The following RGMA variants were observed in gnomAD, a reference collection of about 807,000 sequenced individuals.
The protein encoded by RGMA is repulsive guidance molecule BMP co-receptor a.
In RGMA, 10 loss-of-function variants were observed where a neutral mutation model predicts 23.2. The observed-to-expected ratio is 0.43, with a 90% confidence interval of 0.27 to 0.73. The LOEUF (loss-of-function observed/expected upper bound fraction) is 0.73. Among genes scored for constraint, RGMA ranks in the 30% least tolerant of loss-of-function variants. The probability of loss-of-function intolerance (pLI) is 0.20; values close to 1 mark genes in which losing one functional copy is unlikely to be tolerated. For synonymous variants in RGMA, 308 were observed against 279.3 expected, an observed-to-expected ratio of 1.10 and a Z score of -1.03; for missense variants, 547 against 630.5, an observed-to-expected ratio of 0.87 and a Z score of 1.42.
chr15:93,078,295 C>G (rs928226853), intron 1 of RGMA, among the ~76,000 whole-genome samples: 1 of 152,292 alleles, frequency 6.6e-6, no homozygotes, highest in East Asian at 1.9e-4. Flanking sequence ...ACCTCGCAAG[C>G]GTAGGGATAT....
chr15:93,045,043 C>A lies in RGMA; in HGVS notation c.1308G>T (p.Leu436=), dbSNP rs764412727. 6.3e-7 allele frequency: 1 copy of A among 1,584,940 alleles called. No homozygotes were observed. Among genetic ancestry groups the A allele is most frequent in the East Asian group, 2.3e-5 (1 of 43,566 alleles). Residue 436 remains leucine, a synonymous_variant, in exon 4 of 4, where the codon CTG becomes CTT. Transcript: ENST00000329082. This position sits in a 1 kb window ranked among gnomAD's most constrained non-coding sequence, Gnocchi z 6.9. ...AGLPLAPRPL[L]GALVPLLALL... ...GGGCCAGGAGCGGGACGAGGGCGCC[C>A]AGGAGGGGCCGGGGGGCCAGGGGCA...
chr15:93,055,991 C>G (rs541284217), intron 2 of RGMA, among the ~76,000 whole-genome samples: 32 of 152,328 alleles, frequency 2.1e-4, no homozygotes, highest in African/African-American at 7.7e-4. Flanking sequence ...AGAGGGGTCC[C>G]TCGCATGCTC....
At chr15:93,066,146 G>A in intron 2 of RGMA, 1 of 1,357,242 alleles carries the variant, frequency 7.4e-7, no homozygotes, top group Non-Finnish European at 1.1e-6. Context: ...ACCTCCCCGG[G>A]CCCAGTTACA....
rs530182057 is a variant in RGMA, at chr15:93,073,525, A to G, written c.15-494T>C. 334 of 1,440,418 alleles carry G rather than the reference A, an allele frequency of 2.3e-4. 4 individuals are homozygous for G. In the South Asian group the frequency reaches 4.0e-3, roughly 17 times the overall value. The allele number at this position is 1,440,418 out of a possible 1,614,324, so 89.2% of individuals were successfully genotyped here. On this transcript the variant is annotated intron_variant, in intron 1 of 3. Transcript: ENST00000329082. ...ATCCCCTCCACGAATATCCAATCCA[A>G]GTAGAAAAACTGTCCTTGGAGGCAA...
chr15:93,065,413 A>AT (rs1185702103), intron 2 of RGMA, among the ~76,000 whole-genome samples: 1 of 150,634 alleles, frequency 6.6e-6, no homozygotes, highest in Non-Finnish European at 1.5e-5. Context: ...AAAAAAAAAA[A>AT]GCAAAAGGCT....
rs2054797925 is a variant in RGMA, at chr15:93,045,109, A to T, written c.1242T>A (p.Tyr414Ter). The change falls in exon 4 of 4, where the codon TAT becomes TAA. Residue 414 changes from tyrosine (Y) to a stop codon, truncating the protein, a stop_gained. Coordinates refer to ENST00000329082, the MANE Select transcript of RGMA (RefSeq NM_020211.3). LOFTEE classifies it low-confidence loss of function (END_TRUNC). The surrounding 1 kb of genome is among the most constrained non-coding windows in gnomAD (Gnocchi z 6.9). ...LHSNKDKLHL[Y>*]ERTRDLPGRA... ...TGCCTGGCAGGTCCCGAGTCCTCTC[A>T]TACAGGTGCAGTTTGTCTTTGTTGG... 1 of 1,588,670 alleles carries T rather than the reference A, an allele frequency of 6.3e-7. No individual in the cohort carries two copies. Among genetic ancestry groups the T allele is most frequent in the African/African-American group, 1.3e-5 (1 of 74,282 alleles).
chr15:93,087,920 G>A (rs1895665295), intron 1 of RGMA, among the ~76,000 whole-genome samples: 1 of 152,056 alleles, frequency 6.6e-6, no homozygotes, highest in South Asian at 2.1e-4. Flanking sequence ...CCTTCCTGGA[G>A]GCGAGGGCTG....
chr15:93,055,113 A>G (rs1164093583), intron 2 of RGMA, among the ~76,000 whole-genome samples: 1 of 152,098 alleles, frequency 6.6e-6, no homozygotes, highest in African/African-American at 2.4e-5. Context: ...CTGACCTGCC[A>G]TTCTGCCTCC....
At position 93,040,538 on chromosome 15, in the gene RGMA, T is replaced by G. The variant is rs2054711174; in HGVS notation, c.*4460A>C. 6.6e-6 allele frequency: 1 copy of G among 152,022 alleles called. No homozygotes were observed. The highest frequency in any genetic ancestry group is 1.5e-5 in the Non-Finnish European group (1 of 68,068). The allele number at this position is 152,022 out of a possible 1,614,324, so 9.4% of individuals were successfully genotyped here. On this transcript the variant is annotated 3_prime_UTR_variant, in exon 4 of 4. Coordinates refer to ENST00000329082, the MANE Select transcript of RGMA (RefSeq NM_020211.3). ...CATGCAGGTGAGCTAGTCGGAGGCC[T>G]CCCCTTAACCCCACCACAGATGAAT...
At chr15:93,051,163 G>A (rs1030459261) in intron 3 of RGMA, among the ~76,000 whole-genome samples, 1 of 152,254 alleles carries the variant, frequency 6.6e-6, no homozygotes, top group Non-Finnish European at 1.5e-5. Flanking sequence ...GGAGCAGAGG[G>A]AAGTGGCAGG....
At chr15:93,080,146 A>C (rs1347186439) in intron 1 of RGMA, among the ~76,000 whole-genome samples, 1 of 152,194 alleles carries the variant, frequency 6.6e-6, no homozygotes, top group South Asian at 2.1e-4. Context: ...TTTTAATTAA[A>C]AAATTACCAA....
In RGMA at chr15:93,045,260, C is replaced by T. The variant is rs757105605; in HGVS notation, c.1091G>A (p.Cys364Tyr). Reference sequence around the variant, plus strand: ...GTCCTCCACCGGCAGCTTCTCCTTGCACTTGGCCACGGCTGTCTCGTATGG... The same window carrying T: ...GTCCTCCACCGGCAGCTTCTCCTTGTACTTGGCCACGGCTGTCTCGTATGG... ...TFPYETAVAK[C>Y]KEKLPVEDLY... The change falls in exon 4 of 4, where the codon TGC (cysteine) becomes TAC (tyrosine). Residue 364 changes from cysteine to tyrosine, a missense_variant. By Grantham distance (194) the Cys-to-Tyr change is radical. Coordinates refer to ENST00000329082, the MANE Select transcript of RGMA (RefSeq NM_020211.3). The surrounding 1 kb of genome is among the most constrained non-coding windows in gnomAD (Gnocchi z 6.9). 6.2e-7 allele frequency: 1 copy of T among 1,613,170 alleles called. No homozygotes were observed. The highest frequency in any genetic ancestry group is 8.5e-7 in the Non-Finnish European group (1 of 1,179,790).
intron 2 of RGMA, among the ~76,000 whole-genome samples, chr15:93,056,402 G>C (rs551537033): frequency 7.8e-6 from 1 of 128,700 alleles, no homozygotes; most frequent in South Asian, 2.5e-4. Flanking sequence ...AGAAGCGCCT[G>C]AGACGAGGCC....
At chr15:93,086,584 T>C (rs992553487) in intron 1 of RGMA, among the ~76,000 whole-genome samples, 1 of 152,168 alleles carries the variant, frequency 6.6e-6, no homozygotes, top group Non-Finnish European at 1.5e-5. Flanking sequence ...TTTCTGGCCA[T>C]CAGTTTCTTC....
intron 2 of RGMA, among the ~76,000 whole-genome samples, chr15:93,067,516 G>A (rs1895196045): frequency 6.6e-6 from 1 of 152,190 alleles, no homozygotes; most frequent in Non-Finnish European, 1.5e-5. Context: ...CCAGCAGGTG[G>A]CTCAGTTGTC....
rs1478788678 is a variant in RGMA, at chr15:93,061,101, G to GGACCCCC, written c.131-8595_131-8594insGGGGGTC. Reference sequence around the variant, plus strand: ...CCACTTGCATGTCAGTCTTCTGAGGGTTGGGGACCCCCATCTTCGTCCTGG... The same window carrying GGACCCCC: ...CCACTTGCATGTCAGTCTTCTGAGGGGACCCCCTTGGGGACCCCCATCTTCGTCCTGG... On this transcript the variant is annotated intron_variant, in intron 2 of 3. Transcript: ENST00000329082. Among the ~76,000 whole-genome samples, 31 of 152,346 alleles carry GGACCCCC rather than the reference G, an allele frequency of 2.0e-4. No individual in the cohort carries two copies. The East Asian group carries it at 6.0e-3, about 29-fold the overall frequency.
chr15:93,056,659 C>T (rs1488334080), intron 2 of RGMA, among the ~76,000 whole-genome samples: 1 of 152,190 alleles, frequency 6.6e-6, no homozygotes, highest in Non-Finnish European at 1.5e-5. Context: ...ACTATTCCCT[C>T]CAAGTTCTGC....
In RGMA at chr15:93,040,448, G is replaced by C. The variant is rs2054710277; in HGVS notation, c.*4550C>G. 6.6e-6 allele frequency: 1 copy of C among 152,500 alleles called. No homozygotes were observed. Among genetic ancestry groups the C allele is most frequent in the South Asian group, 2.1e-4 (1 of 4,840 alleles). The allele number at this position is 152,500 out of a possible 1,614,324, so 9.4% of individuals were successfully genotyped here. A position where few individuals can be genotyped will look rare whatever the true frequency, so the allele number is the denominator to read the frequency against. On this transcript the variant is annotated 3_prime_UTR_variant, in exon 4 of 4. Transcript: ENST00000329082. ...CCCCCTTTGCTGCTGCTGCTCTAGG[G>C]CTGTTACACTGTTTTCTCTGCACAG...
chr15:93,056,144 C>T (rs1472201128), intron 2 of RGMA, among the ~76,000 whole-genome samples: 1 of 152,224 alleles, frequency 6.6e-6, no homozygotes, highest in Non-Finnish European at 1.5e-5. Flanking sequence ...GTCCCCGGCC[C>T]ACTTTGAGTA....
Sources: allele counts gnomAD v4.1 joint callset (sites outside exome capture counted in the v4.1 genomes callset), GRCh38; gene constraint gnomAD v4.1.1; non-coding constraint Gnocchi (gnomAD v3.1); transcripts MANE v1.5; gene names NCBI Gene and HGNC (gene_info 2026-07-23, HGNC 2026-07-21).